PLA2G4C: variants seen among roughly 807,000 people sequenced by gnomAD.
PLA2G4C encodes phospholipase A2 group IVC, also known as cytosolic phospholipase A2 gamma.
Under a neutral mutation model 73.8 loss-of-function variants are expected in PLA2G4C, and 64 were observed. The ratio of observed to expected loss-of-function variants is 0.87; its 90% CI spans 0.71 to 1.07. PLA2G4C has a LOEUF of 1.07. Ranked by LOEUF, PLA2G4C falls within the 50% of genes least tolerant of loss-of-function variation. The pLI, the probability that PLA2G4C is intolerant of heterozygous loss-of-function variation, is 0.00. For synonymous variants in PLA2G4C, 254 were observed against 252.1 expected, an observed-to-expected ratio of 1.01 and a Z score of -0.07; for missense variants, 622 against 665.4, an observed-to-expected ratio of 0.93 and a Z score of 0.72.
At chr19:48,083,103 CCG>C (rs1291927633) in intron 10 of PLA2G4C, among the ~76,000 whole-genome samples, 2 of 152,158 alleles carry the variant, frequency 1.3e-5, no homozygotes, top group Admixed American at 6.5e-5. Flanking sequence ...GCGTGAGCCA[CCG>C]CGCCTGGCCC....
chr19:48,062,508 G>A (rs1294135195), intron 13 of PLA2G4C, among the ~76,000 whole-genome samples: 1 of 152,182 alleles, frequency 6.6e-6, no homozygotes, highest in African/African-American at 2.4e-5. Flanking sequence ...TACTTGGGAG[G>A]CTGAGGCAGG....
At chr19:48,103,677 C>G (rs1041352270) in intron 4 of PLA2G4C, among the ~76,000 whole-genome samples, 1 of 152,308 alleles carries the variant, frequency 6.6e-6, no homozygotes, top group African/African-American at 2.4e-5. Context: ...GACAGTCCTA[C>G]ACGGATTAAT....
At chr19:48,102,834 A>G (rs2031985044) in intron 4 of PLA2G4C, among the ~76,000 whole-genome samples, 2 of 152,044 alleles carry the variant, frequency 1.3e-5, no homozygotes, top group Non-Finnish European at 2.9e-5. Flanking sequence ...TAAATTTTCC[A>G]TTTCCTCTGT....
At chr19:48,070,021 C>T (rs1321698382) in intron 12 of PLA2G4C, among the ~76,000 whole-genome samples, 9 of 152,026 alleles carry the variant, frequency 5.9e-5, no homozygotes, top group Admixed American at 3.3e-4. Flanking sequence ...TCACCCACTT[C>T]GGCCTCCCAA....
At chr19:48,086,922 T>C (rs1286431282) in intron 9 of PLA2G4C, among the ~76,000 whole-genome samples, 1 of 152,192 alleles carries the variant, frequency 6.6e-6, no homozygotes, top group African/African-American at 2.4e-5. Flanking sequence ...GTCTCTCTCC[T>C]GCCACCCCCA....
intron 9 of PLA2G4C, 69 bp from the exon 10 acceptor site, chr19:48,085,181 C>A (rs1016877302): frequency 1.4e-5 from 15 of 1,064,598 alleles, no homozygotes; most frequent in Non-Finnish European, 2.2e-5. Flanking sequence ...ATATTCAAAG[C>A]ACCAGCAGAC....
intron 12 of PLA2G4C, among the ~76,000 whole-genome samples, chr19:48,069,325 T>C (rs1410146663): frequency 6.6e-6 from 1 of 152,128 alleles, no homozygotes; most frequent in Admixed American, 6.6e-5. Flanking sequence ...TCTCTTTAGG[T>C]TCATGGGGGA....
intron 12 of PLA2G4C, among the ~76,000 whole-genome samples, chr19:48,068,176 A>G (rs1295399681): frequency 6.6e-6 from 1 of 152,080 alleles, no homozygotes; most frequent in Non-Finnish European, 1.5e-5. Flanking sequence ...GTGGTGGCGC[A>G]TGCCTGTAGT....
chr19:48,077,793 T>C lies in PLA2G4C; in HGVS notation c.876A>G (p.Gln292=). 1 of 1,606,856 alleles carries C rather than the reference T, an allele frequency of 6.2e-7. No individual in the cohort carries two copies. The highest frequency in any genetic ancestry group is 8.5e-7 in the Non-Finnish European group (1 of 1,176,856). ...TACCTTCTGGGGGAGGATGTTCCCCTTGTGAACTTTCTTGCAGCCTCAGTA... is the reference window on the plus strand; with the variant it reads ...TACCTTCTGGGGGAGGATGTTCCCCCTGTGAACTTTCTTGCAGCCTCAGTA... ...ARLLRLQESS[Q]GEHPPPEDEG... Residue 292 remains glutamine, a synonymous_variant, in exon 11 of 17, where the codon CAA becomes CAG. Transcript: ENST00000599921.
Position 48,099,658 on chromosome 19 carries a change from G to T in PLA2G4C, c.447+13C>A. The T allele has an allele frequency of 6.2e-7, 1 of 1,605,448 alleles. No homozygotes were observed. The highest frequency in any genetic ancestry group is 8.5e-7 in the Non-Finnish European group (1 of 1,174,356). On this transcript the variant is annotated intron_variant, in intron 5 of 16. Coordinates refer to ENST00000599921, the MANE Select transcript of PLA2G4C (RefSeq NM_003706.3). ...CTACCCCCACCCCAGGTCCCCAGCTGGGAATGACTTACTTCTCTGGTTTGC... is the reference window on the plus strand; with the variant it reads ...CTACCCCCACCCCAGGTCCCCAGCTTGGAATGACTTACTTCTCTGGTTTGC...
intron 16 of PLA2G4C, among the ~76,000 whole-genome samples, chr19:48,050,810 G>C (rs1252522943): frequency 6.6e-6 from 1 of 151,354 alleles, no homozygotes; most frequent in Non-Finnish European, 1.5e-5. Context: ...AAGGAGCTGG[G>C]ACCACAGGCA....
At chr19:48,077,061 T>G (rs1220563039) in intron 11 of PLA2G4C, among the ~76,000 whole-genome samples, 1 of 152,204 alleles carries the variant, frequency 6.6e-6, no homozygotes, top group African/African-American at 2.4e-5. Flanking sequence ...ACTCCCAACC[T>G]ATGTAGTTTT....
intron 15 of PLA2G4C, among the ~76,000 whole-genome samples, chr19:48,054,479 T>A (rs1253127707): frequency 6.6e-6 from 1 of 150,866 alleles, no homozygotes; most frequent in African/African-American, 2.5e-5. Context: ...ATTTATTTTT[T>A]TTTGTTGTTG....
intron 7 of PLA2G4C, among the ~76,000 whole-genome samples, chr19:48,092,283 A>T (rs770509332): frequency 6.6e-6 from 1 of 152,148 alleles, no homozygotes; most frequent in Non-Finnish European, 1.5e-5. Flanking sequence ...TCCCAACCTC[A>T]GGTGATCCAC....
chr19:48,063,556 C>G (rs1024762741), intron 13 of PLA2G4C, among the ~76,000 whole-genome samples: 2 of 130,780 alleles, frequency 1.5e-5, no homozygotes, highest in Admixed American at 7.9e-5. Flanking sequence ...GCCCCTCCCC[C>G]CCACCCCCAT....
chr19:48,096,444 G>C (rs1418329473), intron 6 of PLA2G4C, among the ~76,000 whole-genome samples: 1 of 152,100 alleles, frequency 6.6e-6, no homozygotes, highest in Non-Finnish European at 1.5e-5. Flanking sequence ...TTAGCCAGGC[G>C]TGGTGGTGCA....
In PLA2G4C at chr19:48,092,409, T is replaced by C. The variant is rs560636202; in HGVS notation, c.710-1992A>G. On this transcript the variant is annotated intron_variant, in intron 7 of 16. Transcript: ENST00000599921. ...TCCAGCAATTCTACCTCTGAGTATA[T>C]ACCCAAAAGAATTGAAAGCAGGGTC... Among the ~76,000 whole-genome samples the C allele has an allele frequency of 3.9e-5, 6 of 152,244 alleles. No homozygotes were observed. In the South Asian group the frequency reaches 1.2e-3, roughly 32 times the overall value.
chr19:48,092,291 C>T (rs1327938333), intron 7 of PLA2G4C, among the ~76,000 whole-genome samples: 1 of 152,078 alleles, frequency 6.6e-6, no homozygotes, highest in Non-Finnish European at 1.5e-5. Flanking sequence ...TCAGGTGATC[C>T]ACCCGCCTCG....
intron 2 of PLA2G4C, among the ~76,000 whole-genome samples, 177 bp downstream of exon 2, chr19:48,106,345 G>A (rs1404215590): frequency 6.6e-6 from 1 of 152,030 alleles, no homozygotes; most frequent in Admixed American, 6.6e-5. Flanking sequence ...TTCTTGCCTC[G>A]GCCACCAAAA....
Sources: allele counts gnomAD v4.1 joint callset (sites outside exome capture counted in the v4.1 genomes callset), GRCh38; gene constraint gnomAD v4.1.1; transcripts MANE v1.5; gene names NCBI Gene and HGNC (gene_info 2026-07-23, HGNC 2026-07-21).